The following LOC400499 variants were observed in gnomAD, a reference collection of about 807,000 sequenced individuals.
chr16:11,462,795 G>C, the LOC400499 span, among the ~76,000 whole-genome samples: 2 of 152,106 alleles, frequency 1.3e-5, no homozygotes, highest in Non-Finnish European at 2.9e-5. Context: ...ATAAATGTAA[G>C]GGACTCCTCT....
chr16:11,488,776 G>T, the LOC400499 span: 3 of 399,044 alleles, frequency 7.5e-6, no homozygotes, highest in Non-Finnish European at 8.8e-6. Context: ...CCTGGCTGAG[G>T]ATGTCCTCGG....
the LOC400499 span, among the ~76,000 whole-genome samples, chr16:11,409,510 A>T: frequency 6.6e-6 from 1 of 152,186 alleles, no homozygotes; most frequent in South Asian, 2.1e-4. Context: ...AACCCCCACA[A>T]CATTTTACTT....
the LOC400499 span, among the ~76,000 whole-genome samples, chr16:11,381,815 C>T: frequency 0.017 from 2,606 of 152,266 alleles, 39 homozygotes; most frequent in Non-Finnish European, 0.025. Flanking sequence ...CCACCCTCTT[C>T]CTTAGCTTTT....
At chr16:11,377,724 C>G in the LOC400499 span, among the ~76,000 whole-genome samples, 1 of 152,164 alleles carries the variant, frequency 6.6e-6, no homozygotes, top group Non-Finnish European at 1.5e-5. Flanking sequence ...TTGTTGAGAA[C>G]TTTTGCATCT....
At chr16:11,387,109 A>G in the LOC400499 span, 12 of 1,232,276 alleles carry the variant, frequency 9.7e-6, no homozygotes, top group East Asian at 1.6e-4. Flanking sequence ...GGCAGGACTC[A>G]CATTCCCAGG....
At chr16:11,397,207 G>C in the LOC400499 span, among the ~76,000 whole-genome samples, 1 of 152,192 alleles carries the variant, frequency 6.6e-6, no homozygotes, top group Non-Finnish European at 1.5e-5. Context: ...TTTTCTGAAT[G>C]AACAGAGGAA....
At chr16:11,495,703 A>G in the LOC400499 span, among the ~76,000 whole-genome samples, 1 of 152,166 alleles carries the variant, frequency 6.6e-6, no homozygotes, top group Non-Finnish European at 1.5e-5. Context: ...CTTAGTAAAC[A>G]AACTGTGTTC....
At chr16:11,508,707 G>A in the LOC400499 span, 5 of 398,962 alleles carry the variant, frequency 1.3e-5, no homozygotes, top group Non-Finnish European at 2.2e-5. Flanking sequence ...GGCTGGAGAA[G>A]CCACTTACCT....
chr16:11,491,214 C>G, the LOC400499 span, among the ~76,000 whole-genome samples: 5 of 152,302 alleles, frequency 3.3e-5, no homozygotes, highest in East Asian at 7.7e-4. Context: ...TCTCACCCCA[C>G]TGTGCATTAT....
the LOC400499 span, among the ~76,000 whole-genome samples, chr16:11,410,351 G>C: frequency 1.3e-5 from 2 of 152,248 alleles, no homozygotes; most frequent in Non-Finnish European, 2.9e-5. Flanking sequence ...CTACTCAGGA[G>C]GCTGGGGCAG....
the LOC400499 span, chr16:11,399,319 A>T: frequency 5.9e-6 from 5 of 853,208 alleles, no homozygotes; most frequent in Non-Finnish European, 7.1e-6. Flanking sequence ...CATTTCACAG[A>T]TGAGAACACT....
chr16:11,468,816 C>A, the LOC400499 span, among the ~76,000 whole-genome samples: 1 of 152,160 alleles, frequency 6.6e-6, no homozygotes, highest in East Asian at 1.9e-4. Flanking sequence ...TTATCAGAGG[C>A]AGGGTTTCAC....
the LOC400499 span, among the ~76,000 whole-genome samples, chr16:11,474,855 G>C: frequency 6.6e-6 from 1 of 152,160 alleles, no homozygotes; most frequent in Non-Finnish European, 1.5e-5. Context: ...GGACGACAGA[G>C]ACCCTGTCTC....
the LOC400499 span, chr16:11,460,085 T>G: frequency 5.3e-6 from 7 of 1,320,044 alleles, no homozygotes; most frequent in African/African-American, 7.4e-5. Flanking sequence ...GAACTGCCCA[T>G]GGAGGCCCTG....
the LOC400499 span, among the ~76,000 whole-genome samples, chr16:11,428,019 A>C: frequency 6.6e-6 from 1 of 152,222 alleles, no homozygotes; most frequent in Non-Finnish European, 1.5e-5. Flanking sequence ...GGGAAAGTCC[A>C]CGGTGCAAAG....
the LOC400499 span, among the ~76,000 whole-genome samples, chr16:11,521,481 T>C: frequency 1.3e-5 from 2 of 152,188 alleles, no homozygotes; most frequent in East Asian, 3.9e-4. Flanking sequence ...ACCTTAGTGT[T>C]TGCCTATAAC....
chr16:11,479,783 C>G, the LOC400499 span, among the ~76,000 whole-genome samples: 2 of 152,206 alleles, frequency 1.3e-5, no homozygotes, highest in Admixed American at 1.3e-4. Context: ...ATCAACTAAA[C>G]TCCAGAGGTC....
chr16:11,402,546 T>C, the LOC400499 span, among the ~76,000 whole-genome samples: 6 of 152,160 alleles, frequency 3.9e-5, no homozygotes, highest in Non-Finnish European at 5.9e-5. Context: ...CTTGAACCCC[T>C]GTCCAGCCAC....
chr16:11,487,812 G>A, the LOC400499 span, among the ~76,000 whole-genome samples: 1 of 152,122 alleles, frequency 6.6e-6, no homozygotes, highest in African/African-American at 2.4e-5. Flanking sequence ...GAATCCAGGA[G>A]AATTTAATAA....
Sources: gnomAD v4.1 joint callset for allele counts (sites outside exome capture counted in the v4.1 genomes callset) on GRCh38, gnomAD v4.1.1 for gene constraint, MANE v1.5 for transcripts.